FLT1: variants seen among roughly 807,000 people sequenced by gnomAD.
The protein encoded by FLT1 is vascular endothelial growth factor receptor 1.
Under a neutral mutation model 156.3 loss-of-function variants are expected in FLT1, and 49 were observed. The observed-to-expected ratio is 0.31, with a 90% confidence interval of 0.25 to 0.40. The LOEUF (loss-of-function observed/expected upper bound fraction) is 0.40, where lower values mean the gene tolerates loss of function less well. Among genes scored for constraint, FLT1 ranks in the 10% least tolerant of loss-of-function variants. The pLI, the probability that FLT1 is intolerant of heterozygous loss-of-function variation, is 1.00. For missense variants in FLT1, 1,322 were observed against 1,637.2 expected, an observed-to-expected ratio of 0.81 and a Z score of 3.32; for synonymous variants, 594 against 583.8, an observed-to-expected ratio of 1.02 and a Z score of -0.25.
In FLT1 at chr13:28,430,094, C is replaced by G. The variant is rs779784225; in HGVS notation, c.1062G>C (p.Arg354=). 8.1e-6 allele frequency: 13 copies of G among 1,613,846 alleles called. No individual in the cohort carries two copies. The Admixed American group carries it at 2.2e-4, about 27-fold the overall frequency. The change falls in exon 8 of 30, where the codon CGG becomes CGC. Residue 354 remains arginine, a synonymous_variant. Coordinates refer to ENST00000282397, the MANE Select transcript of FLT1 (RefSeq NM_002019.4). ...LETVAGKRSY[R]LSMKVKAFPS... ...GAAATGCCTTCACTTTCATAGAGAGCCGGTAAGACCGCTTGCCAGCTACGG... is the reference window on the plus strand; with the variant it reads ...GAAATGCCTTCACTTTCATAGAGAGGCGGTAAGACCGCTTGCCAGCTACGG...
chr13:28,480,305 T>G (rs1230115652), intron 1 of FLT1, among the ~76,000 whole-genome samples: 1 of 152,208 alleles, frequency 6.6e-6, no homozygotes, highest in Non-Finnish European at 1.5e-5. Flanking sequence ...CCGATAGAGA[T>G]ACAACAATAA....
intron 25 of FLT1, among the ~76,000 whole-genome samples, chr13:28,315,229 T>G (rs1480253066): frequency 6.6e-6 from 1 of 152,184 alleles, no homozygotes; most frequent in African/African-American, 2.4e-5. Flanking sequence ...AAATAACTAT[T>G]TAATCAGTAC....
intron 1 of FLT1, among the ~76,000 whole-genome samples, chr13:28,473,910 T>A (rs1880395939): frequency 6.6e-6 from 1 of 152,052 alleles, no homozygotes; most frequent in Admixed American, 6.5e-5. Context: ...ATATGGCAGA[T>A]CCTTACAATG....
Position 28,430,095 on chromosome 13 carries a change from C to G in FLT1, c.1061G>C (p.Arg354Pro), listed in dbSNP as rs763071731. Residue 354 changes from arginine to proline, a missense_variant, in exon 8 of 30, where the codon CGG becomes CCG. Arg to Pro is a moderately radical substitution (Grantham distance 103, BLOSUM62 -2). Around this residue, in one of 3 missense-constraint regions of FLT1, gnomAD observed 991 missense variants for 1,254.8 expected, o/e 0.79. Coordinates refer to ENST00000282397, the MANE Select transcript of FLT1 (RefSeq NM_002019.4). ...AAATGCCTTCACTTTCATAGAGAGC[C>G]GGTAAGACCGCTTGCCAGCTACGGT... ...LETVAGKRSY[R>P]LSMKVKAFPS... 1.9e-6 allele frequency: 3 copies of G among 1,613,756 alleles called. No homozygotes were observed. The East Asian group carries it at 6.7e-5, about 36-fold the overall frequency.
chr13:28,389,592 T>A, intron 13 of FLT1: 1 of 1,449,328 alleles, frequency 6.9e-7, no homozygotes. Flanking sequence ...ATTACTGCTA[T>A]CATCTCCGAA....
chr13:28,422,215 T>C lies in FLT1; in HGVS notation c.1436+4944A>G, dbSNP rs187506878. On this transcript the variant is annotated intron_variant, in intron 10 of 29. Coordinates refer to ENST00000282397, the MANE Select transcript of FLT1 (RefSeq NM_002019.4). The stretch of plus-strand genomic sequence containing the variant: ...TAAGATGTCAGCAATATTAATGCAA[T>C]GTAGACAGAAATGTTTCTCTACATA... 2.6e-5 allele frequency among the ~76,000 whole-genome samples: 4 copies of C among 152,352 alleles called. 1 individual carries two copies. The highest frequency in any genetic ancestry group is 2.6e-4 in the Admixed American group (4 of 15,292).
chr13:28,435,140 T>C (rs1361132057), intron 4 of FLT1, among the ~76,000 whole-genome samples: 1 of 152,192 alleles, frequency 6.6e-6, no homozygotes, highest in African/African-American at 2.4e-5. Context: ...CAGCTCTGCC[T>C]CTGGAAAGGA....
At chr13:28,316,866 G>A (rs1020222944) in intron 25 of FLT1, among the ~76,000 whole-genome samples, 3 of 151,768 alleles carry the variant, frequency 2.0e-5, no homozygotes, top group South Asian at 2.1e-4. Flanking sequence ...CAAGTGATCC[G>A]CCCGCCTCTG....
intron 8 of FLT1, among the ~76,000 whole-genome samples, chr13:28,429,224 A>G (rs1593782640): frequency 6.6e-6 from 1 of 152,216 alleles, no homozygotes; most frequent in Non-Finnish European, 1.5e-5. Context: ...CCTATTAAGT[A>G]TTTGAGGGAA....
intron 3 of FLT1, among the ~76,000 whole-genome samples, chr13:28,457,432 A>T (rs1879329695): frequency 6.6e-6 from 1 of 152,210 alleles, no homozygotes; most frequent in African/African-American, 2.4e-5. Context: ...TTTCAACTGT[A>T]GCTTATTAAT....
chr13:28,449,539 T>TA (rs546199883), intron 3 of FLT1, among the ~76,000 whole-genome samples: 162 of 151,906 alleles, frequency 1.1e-3, no homozygotes, highest in African/African-American at 3.6e-3. Flanking sequence ...TCAAAGGTGA[T>TA]AAAAAATCTC....
chr13:28,382,454 C>T (rs552145284), intron 14 of FLT1, among the ~76,000 whole-genome samples: 41 of 152,294 alleles, frequency 2.7e-4, no homozygotes, highest in South Asian at 8.3e-4. Flanking sequence ...CATTCTCTGT[C>T]AGATTCTTGA....
rs1870517503 is a variant in FLT1, at chr13:28,301,576, A to ATG, written c.*1590_*1591insCA. On this transcript the variant is annotated 3_prime_UTR_variant, in exon 30 of 30. Transcript: ENST00000282397. The stretch of plus-strand genomic sequence containing the variant: ...TTAAATTACATGGATAAAAGGAAGC[A>ATG]TACTCTTCTCCCCAAGAAGCAGCAA... The ATG allele has an allele frequency of 1.7e-5, 4 of 233,300 alleles. No homozygotes were observed. Among genetic ancestry groups the ATG allele is most frequent in the Non-Finnish European group, 2.5e-5 (3 of 117,972 alleles). The allele number at this position is 233,300 out of a possible 1,614,324, so 14.5% of individuals were successfully genotyped here.
At chr13:28,462,719 T>C (rs1879651106) in intron 3 of FLT1, among the ~76,000 whole-genome samples, 1 of 152,042 alleles carries the variant, frequency 6.6e-6, no homozygotes, top group African/African-American at 2.4e-5. Flanking sequence ...ATTCTGAGTG[T>C]CACATTGATT....
intron 3 of FLT1, among the ~76,000 whole-genome samples, chr13:28,462,647 A>G (rs937364493): frequency 6.6e-6 from 1 of 152,230 alleles, no homozygotes; most frequent in African/African-American, 2.4e-5. Context: ...GTGCCTTTGC[A>G]TCAAGGTAAT....
intron 1 of FLT1, among the ~76,000 whole-genome samples, chr13:28,483,015 A>G (rs1291869744): frequency 6.6e-6 from 1 of 152,224 alleles, no homozygotes; most frequent in African/African-American, 2.4e-5. Flanking sequence ...CTCAAAGTCC[A>G]TTCCAGGGCA....
chr13:28,353,553 A>G (rs933037945), intron 15 of FLT1, among the ~76,000 whole-genome samples: 1 of 147,872 alleles, frequency 6.8e-6, no homozygotes, highest in African/African-American at 2.5e-5. Flanking sequence ...AGCCTGGCTG[A>G]CAGACCAAGA....
intron 14 of FLT1, among the ~76,000 whole-genome samples, chr13:28,372,975 GAA>G (rs1195674343): frequency 6.6e-6 from 1 of 152,042 alleles, no homozygotes; most frequent in Admixed American, 6.6e-5. Flanking sequence ...GCCATTAAAT[GAA>G]AAGTTTAAAA....
chr13:28,393,888 C>CAATGTATTTTAAAG (rs1460400431), intron 12 of FLT1, among the ~76,000 whole-genome samples: 1 of 152,082 alleles, frequency 6.6e-6, no homozygotes, highest in African/African-American at 2.4e-5. Context: ...TGCTTGGCCC[C>CAATGTATTTTAAAG]AAGTAACTGT....
Sources: gnomAD v4.1 joint callset for allele counts (sites outside exome capture counted in the v4.1 genomes callset) on GRCh38, gnomAD v4.1.1 for gene constraint, gnomAD v4.1.1 regional missense constraint, MANE v1.5 for transcripts, NCBI Gene and HGNC (gene_info 2026-07-23, HGNC 2026-07-21) for gene names.